PPP1R1C: variants seen among roughly 807,000 people sequenced by gnomAD.
PPP1R1C encodes protein phosphatase 1 regulatory subunit 1C.
A neutral mutation model predicts 17.4 loss-of-function variants in PPP1R1C; 15 were observed. That is an observed-to-expected ratio of 0.86 (90% CI 0.58 to 1.33). The LOEUF is 1.33. Among genes scored for constraint, PPP1R1C ranks in the 40% most tolerant of loss-of-function variants. The pLI, the probability that PPP1R1C is intolerant of heterozygous loss-of-function variation, is 0.00. For synonymous variants in PPP1R1C, 35 were observed against 43.1 expected, an observed-to-expected ratio of 0.81 and a Z score of 0.73; for missense variants, 143 against 130.0, an observed-to-expected ratio of 1.10 and a Z score of -0.48.
Position 182,076,197 on chromosome 2 carries a change from C to CTTTTTTTTTTTTTTTTTTTTTTTTTTTT in PPP1R1C, c.241+12420_241+12447dup, listed in dbSNP as rs1165789924. ...GATTTTGAACTTTTTTTTTTCTTTT[C>CTTTTTTTTTTTTTTTTTTTTTTTTTTTT]TTTTTTTTTTTTTTTTTTTTTTTTT... On this transcript the variant is annotated intron_variant, in intron 4 of 4. Transcript: ENST00000682840. 5.8e-4 allele frequency among the ~76,000 whole-genome samples: 15 copies of CTTTTTTTTTTTTTTTTTTTTTTTTTTTT among 25,862 alleles called. 4 individuals are homozygous for CTTTTTTTTTTTTTTTTTTTTTTTTTTTT. Among genetic ancestry groups the CTTTTTTTTTTTTTTTTTTTTTTTTTTTT allele is most frequent in the Non-Finnish European group, 7.2e-4 (12 of 16,606 alleles). 17.0% of individuals were successfully genotyped at this position (25,862 alleles called of 152,430 possible). A position where few individuals can be genotyped will look rare whatever the true frequency, so the allele number is the denominator to read the frequency against.
chr2:182,076,261 C>G (rs550043889), intron 4 of PPP1R1C, among the ~76,000 whole-genome samples: 98 of 92,210 alleles, frequency 1.1e-3, no homozygotes, highest in Non-Finnish European at 1.5e-3. Context: ...CGCTTTGTCT[C>G]CTGGCTCACT....
chr2:182,118,573 C>G (rs891048615), downstream of PPP1R1C, among the ~76,000 whole-genome samples: 2 of 152,064 alleles, frequency 1.3e-5, no homozygotes, highest in African/African-American at 4.8e-5. Flanking sequence ...ATCTTAATAT[C>G]AAGATTCAAA....
intron 2 of PPP1R1C, chr2:182,031,016 A>T (rs1265186839): frequency 6.5e-6 from 1 of 153,416 alleles, no homozygotes; most frequent in Non-Finnish European, 1.4e-5. Flanking sequence ...TCGGAAAGGG[A>T]ACTCCCTGAC....
At chr2:182,119,437 G>A (rs894610588), downstream of PPP1R1C, among the ~76,000 whole-genome samples, 1 of 152,072 alleles carries the variant, frequency 6.6e-6, no homozygotes, top group African/African-American at 2.4e-5. Context: ...GGGATGGCTG[G>A]GTCAAATGGT....
chr2:181,972,641 G>A (rs1276075335), intron 1 of PPP1R1C, among the ~76,000 whole-genome samples: 1 of 152,126 alleles, frequency 6.6e-6, no homozygotes, highest in Non-Finnish European at 1.5e-5. Flanking sequence ...AGGGTGCTCT[G>A]AGTCACTACA....
chr2:182,035,650 C>T (rs547839710), intron 2 of PPP1R1C, among the ~76,000 whole-genome samples: 18 of 152,100 alleles, frequency 1.2e-4, no homozygotes, highest in African/African-American at 4.3e-4. Flanking sequence ...GTGTGTAGCA[C>T]CTCCCCCTTC....
chr2:182,021,760 G>A (rs1686436208), intron 2 of PPP1R1C, among the ~76,000 whole-genome samples: 1 of 152,222 alleles, frequency 6.6e-6, no homozygotes. Context: ...AGAGGTTAAA[G>A]GAAGGCAGGT....
intron 4 of PPP1R1C, among the ~76,000 whole-genome samples, chr2:182,091,743 G>A (rs918855383): frequency 6.6e-6 from 1 of 151,992 alleles, no homozygotes; most frequent in Non-Finnish European, 1.5e-5. Context: ...TTTCTCTGTA[G>A]CACTGATTAC....
intron 2 of PPP1R1C, among the ~76,000 whole-genome samples, chr2:182,016,786 A>G (rs935579524): frequency 1.3e-5 from 2 of 152,218 alleles, no homozygotes; most frequent in Admixed American, 1.3e-4. Flanking sequence ...GTTTCTGATA[A>G]CAAACTGTGA....
chr2:182,081,246 AT>A (rs1688466556), intron 4 of PPP1R1C, among the ~76,000 whole-genome samples: 2 of 152,306 alleles, frequency 1.3e-5, no homozygotes, highest in South Asian at 4.1e-4. Context: ...TGGTGTCCAT[AT>A]TTATACAAAA....
chr2:182,021,326 T>C (rs397869430), intron 2 of PPP1R1C, among the ~76,000 whole-genome samples: 43,442 of 88,212 alleles, frequency 0.49, 9,156 homozygotes, highest in African/African-American at 0.53. Context: ...TCTCTCTTTT[T>C]TTTTTTTTTT....
At chr2:182,131,372 G>T (rs6760977), downstream of PPP1R1C, 6 of 151,988 alleles carry the variant, frequency 3.9e-5, no homozygotes, top group South Asian at 6.2e-4. Context: ...AAAAAAGAAG[G>T]TTTCTAAAGG....
chr2:182,074,767 C>G (rs886525548), intron 4 of PPP1R1C, among the ~76,000 whole-genome samples: 4 of 152,126 alleles, frequency 2.6e-5, no homozygotes, highest in African/African-American at 9.7e-5. Context: ...ACAAAATACC[C>G]AACACCTCAG....
At chr2:181,983,295 C>A (rs1316314539), upstream of PPP1R1C, among the ~76,000 whole-genome samples, 3 of 152,216 alleles carry the variant, frequency 2.0e-5, no homozygotes, top group Non-Finnish European at 4.4e-5. Context: ...AGCTGGATGA[C>A]CCCGGACAAA....
At chr2:182,015,501 C>G (rs1260276628) in intron 2 of PPP1R1C, among the ~76,000 whole-genome samples, 20 of 152,096 alleles carry the variant, frequency 1.3e-4, no homozygotes, top group Admixed American at 1.2e-3. Flanking sequence ...GTCACTGCAG[C>G]TGAGATTATG....
At chr2:181,966,914 T>C (rs540136927) in intron 1 of PPP1R1C, among the ~76,000 whole-genome samples, 5 of 152,202 alleles carry the variant, frequency 3.3e-5, no homozygotes, top group Non-Finnish European at 7.4e-5. Flanking sequence ...TGGTAATATT[T>C]AGCAGTGAAG....
rs113965641 is a variant in PPP1R1C, at chr2:182,116,607, A to C, written c.242-600A>C. On this transcript the variant is annotated intron_variant, in intron 4 of 4. Transcript: ENST00000682840. The stretch of plus-strand genomic sequence containing the variant: ...TGAAAGCAGGAAAGGCTGGTGAGAA[A>C]TGGTAGAGAGCCCAGATTATAAGAG... Among the ~76,000 whole-genome samples, 991 of 152,288 alleles carry C rather than the reference A, an allele frequency of 6.5e-3. 16 individuals are homozygous for C. The highest frequency in any genetic ancestry group is 0.023 in the African/African-American group (945 of 41,558).
chr2:182,016,828 C>T (rs1286773561), intron 2 of PPP1R1C, among the ~76,000 whole-genome samples: 2 of 152,102 alleles, frequency 1.3e-5, no homozygotes, highest in Non-Finnish European at 2.9e-5. Flanking sequence ...GTCAGTTGTA[C>T]TTATCCTTCT....
chr2:182,054,547 G>A (rs1329916683), intron 2 of PPP1R1C, among the ~76,000 whole-genome samples: 1 of 151,420 alleles, frequency 6.6e-6, no homozygotes, highest in African/African-American at 2.4e-5. Flanking sequence ...GAATTACACA[G>A]TATGTGACCT....
Sources: gnomAD v4.1 joint callset for allele counts (sites outside exome capture counted in the v4.1 genomes callset) on GRCh38, gnomAD v4.1.1 for gene constraint, MANE v1.5 for transcripts, NCBI Gene and HGNC (gene_info 2026-07-23, HGNC 2026-07-21) for gene names.